The following CAMTA1 variants were observed in gnomAD, a reference collection of about 807,000 sequenced individuals.
CAMTA1 encodes the protein calmodulin-binding transcription activator 1.
Under a neutral mutation model 170.9 loss-of-function variants are expected in CAMTA1, and 27 were observed. That is an observed-to-expected ratio of 0.16 (90% confidence interval 0.12 to 0.22). The LOEUF is 0.22. CAMTA1 is among the 10% of genes least tolerant of loss of function. The pLI is 1.00. For missense variants in CAMTA1, 1,619 were observed against 2,217.2 expected (o/e 0.73, Z 5.42); for synonymous variants, 833 against 891.5 (o/e 0.93, Z 1.17).
chr1:6,839,123 C>CTG (rs1654596712), intron 3 of CAMTA1, among the ~76,000 whole-genome samples: 1 of 152,022 alleles, frequency 6.6e-6, no homozygotes, highest in African/African-American at 2.4e-5. Flanking sequence ...TGGCTCACGC[C>CTG]TGTAATCTCA....
chr1:7,048,157 A>G (rs888995003), intron 3 of CAMTA1, among the ~76,000 whole-genome samples: 16 of 151,976 alleles, frequency 1.1e-4, no homozygotes, highest in Non-Finnish European at 2.1e-4. Context: ...ACTTGTGGGG[A>G]TCAAGATTTT....
chr1:7,295,054 C>T (rs1051574617), intron 5 of CAMTA1, among the ~76,000 whole-genome samples: 1 of 152,368 alleles, frequency 6.6e-6, no homozygotes, highest in East Asian at 1.9e-4. Flanking sequence ...TAGCATCAAG[C>T]ACACTGGCTT....
rs948860372 is a variant in CAMTA1 at position 7,598,506 on chromosome 1, G to A, written c.511-41894G>A. ...TCTAGTTCTAGATCCCTGAGGAATCGCCACACTGACTTCTACAATGGTTGA... is the reference window on the plus strand; with the variant it reads ...TCTAGTTCTAGATCCCTGAGGAATCACCACACTGACTTCTACAATGGTTGA... On this transcript the variant is annotated intron_variant, in intron 6 of 22. Transcript: ENST00000303635. 3.2e-4 allele frequency among the ~76,000 whole-genome samples: 49 copies of A among 152,272 alleles called. 1 individual carries two copies. Among genetic ancestry groups the A allele is most frequent in the East Asian group, 1.9e-4 (1 of 5,184 alleles).
At chr1:7,138,572 G>A (rs1645679954) in intron 4 of CAMTA1, among the ~76,000 whole-genome samples, 1 of 152,122 alleles carries the variant, frequency 6.6e-6, no homozygotes, top group African/African-American at 2.4e-5. Flanking sequence ...CCTCCCACAG[G>A]CATACACGTC....
At chr1:7,598,567 TC>T (rs1169604200) in intron 6 of CAMTA1, among the ~76,000 whole-genome samples, 1 of 152,232 alleles carries the variant, frequency 6.6e-6, no homozygotes, top group Non-Finnish European at 1.5e-5. Context: ...GTAAAAGTGT[TC>T]CTATTTCTCC....
chr1:7,415,894 G>A (rs2091131163), intron 5 of CAMTA1, among the ~76,000 whole-genome samples: 1 of 152,060 alleles, frequency 6.6e-6, no homozygotes, highest in Non-Finnish European at 1.5e-5. Context: ...GCAGTGGCTG[G>A]TACTGGTTGT....
At chr1:7,085,150 C>T (rs1053975466) in intron 3 of CAMTA1, among the ~76,000 whole-genome samples, 8 of 152,192 alleles carry the variant, frequency 5.3e-5, no homozygotes, top group African/African-American at 1.7e-4. Context: ...TTTAAAATGA[C>T]ACACGTGCCT....
intron 11 of CAMTA1, among the ~76,000 whole-genome samples, chr1:7,689,175 G>A (rs1002094556): frequency 6.8e-6 from 1 of 147,916 alleles, no homozygotes; most frequent in African/African-American, 2.5e-5. Context: ...GCTGAGGCAG[G>A]AGAATCGCTT....
chr1:7,320,618 C>A (rs1409511177), intron 5 of CAMTA1, among the ~76,000 whole-genome samples: 2 of 146,684 alleles, frequency 1.4e-5, no homozygotes, highest in Non-Finnish European at 3.0e-5. Flanking sequence ...TGGCTGTCAT[C>A]TCCACTATCC....
At chr1:7,342,931 C>T (rs545248373) in intron 5 of CAMTA1, among the ~76,000 whole-genome samples, 38 of 152,316 alleles carry the variant, frequency 2.5e-4, no homozygotes, top group African/African-American at 8.9e-4. Flanking sequence ...CACGGAACTC[C>T]TTGCTCCTAT....
chr1:7,274,449 AC>A (rs1481553128), intron 5 of CAMTA1, among the ~76,000 whole-genome samples: 1 of 152,344 alleles, frequency 6.6e-6, no homozygotes, highest in African/African-American at 2.4e-5. Flanking sequence ...GCTTCAAAAT[AC>A]ATGCCAAAGT....
In CAMTA1 at chr1:7,738,514, G is replaced by A; in HGVS notation, c.4182+32G>A. The A allele has an allele frequency of 1.9e-6, 3 of 1,593,962 alleles. No individual in the cohort carries two copies. Among genetic ancestry groups the A allele is most frequent in the Non-Finnish European group, 2.6e-6 (3 of 1,168,034 alleles). ...AGCAGGGACAGGGTAAGCCCGCAGA[G>A]GCTGGTGCGTTCCAGTTGCTGTGAT... On this transcript the variant is annotated intron_variant, in intron 16 of 22. Transcript: ENST00000303635. This position sits in a 1 kb window ranked among gnomAD's most constrained non-coding sequence, Gnocchi z 4.9.
chr1:7,315,727 C>T (rs1677389853), intron 5 of CAMTA1, among the ~76,000 whole-genome samples: 1 of 152,140 alleles, frequency 6.6e-6, no homozygotes, highest in Admixed American at 6.5e-5. Flanking sequence ...TCCCTCGTAG[C>T]CTTTAGGGGT....
chr1:7,385,697 C>T (rs2087878539), intron 5 of CAMTA1, among the ~76,000 whole-genome samples: 1 of 152,196 alleles, frequency 6.6e-6, no homozygotes, highest in South Asian at 2.1e-4. Context: ...ACAGCGTGCT[C>T]CACCCAGCAC....
chr1:7,330,989 C>T (rs1182517445), intron 5 of CAMTA1, among the ~76,000 whole-genome samples: 4 of 152,170 alleles, frequency 2.6e-5, no homozygotes, highest in African/African-American at 7.2e-5. Context: ...TGCCTGTAAT[C>T]AGCACTTTGG....
intron 3 of CAMTA1, among the ~76,000 whole-genome samples, chr1:6,937,148 CCATCAT>C (rs1194945672): frequency 2.0e-5 from 3 of 150,694 alleles, no homozygotes; most frequent in Admixed American, 6.6e-5. Context: ...ATCACCATCA[CCATCAT>C]CACCGTCATC....
intron 5 of CAMTA1, among the ~76,000 whole-genome samples, chr1:7,461,072 C>T (rs909295740): frequency 6.6e-6 from 1 of 152,138 alleles, no homozygotes; most frequent in Non-Finnish European, 1.5e-5. Flanking sequence ...TGGTAAACAC[C>T]CCTGTCTGCC....
At chr1:7,332,444 G>A (rs2083091908) in intron 5 of CAMTA1, among the ~76,000 whole-genome samples, 1 of 152,148 alleles carries the variant, frequency 6.6e-6, no homozygotes, top group Non-Finnish European at 1.5e-5. Context: ...CTGTTTGCAG[G>A]AGCCTTTTCT....
At chr1:7,423,068 C>G (rs1236204989) in intron 5 of CAMTA1, among the ~76,000 whole-genome samples, 1 of 152,082 alleles carries the variant, frequency 6.6e-6, no homozygotes, top group Non-Finnish European at 1.5e-5. Flanking sequence ...CTCATGAAGA[C>G]AGCATGAGTT....
Sources: allele counts gnomAD v4.1 joint callset (sites outside exome capture counted in the v4.1 genomes callset), GRCh38; gene constraint gnomAD v4.1.1; non-coding constraint Gnocchi (gnomAD v3.1); transcripts MANE v1.5; gene names NCBI Gene and HGNC (gene_info 2026-07-23, HGNC 2026-07-21).